Variants in SYN3 observed in about 807,000 individuals in gnomAD.
SYN3 encodes synapsin III, also known as synapsin-3.
SYN3 carries 35 observed loss-of-function variants against 65.8 expected under a neutral mutation model. That is an observed-to-expected ratio of 0.53 (90% CI 0.41 to 0.70). SYN3 has a LOEUF of 0.70. Among genes scored for constraint, SYN3 ranks in the 30% least tolerant of loss-of-function variants. The pLI is 0.00. For missense variants in SYN3, 680 were observed against 749.0 expected, an observed-to-expected ratio of 0.91 and a Z score of 1.08; for synonymous variants, 270 against 292.9, an observed-to-expected ratio of 0.92 and a Z score of 0.80.
rs1016076416 is a variant in SYN3 at position 32,801,549 on chromosome 22, G to T, written c.711+63366C>A. Among the ~76,000 whole-genome samples the T allele has an allele frequency of 6.6e-6, 1 of 152,112 alleles. No individual in the cohort carries two copies. Among genetic ancestry groups the T allele is most frequent in the Non-Finnish European group, 1.5e-5 (1 of 67,990 alleles). ...ATCTGAACGATCCGGGGGCGGCCCC[G>T]CCCCGTTACCCCTTGCCCCCGGCCC... is the stretch of plus-strand genomic sequence containing the variant. On this transcript the variant is annotated intron_variant, in intron 6 of 13. Coordinates refer to ENST00000358763, the MANE Select transcript of SYN3 (RefSeq NM_003490.4). The surrounding 1 kb of genome is among the most constrained non-coding windows in gnomAD (Gnocchi z 4.7).
At chr22:32,544,959 ATG>A (rs1283659848) in intron 7 of SYN3, among the ~76,000 whole-genome samples, 1 of 152,200 alleles carries the variant, frequency 6.6e-6, no homozygotes, top group Non-Finnish European at 1.5e-5. Flanking sequence ...TATGGGGGGC[ATG>A]TGTCCATCCA....
intron 6 of SYN3, among the ~76,000 whole-genome samples, chr22:32,633,476 A>T (rs1008045365): frequency 5.9e-5 from 9 of 152,208 alleles, no homozygotes; most frequent in African/African-American, 1.9e-4. Flanking sequence ...TGGATGAAGT[A>T]CCCCCAAAAC....
intron 7 of SYN3, among the ~76,000 whole-genome samples, chr22:32,582,102 AATTG>A (rs1349480080): frequency 6.6e-6 from 1 of 151,924 alleles, no homozygotes; most frequent in Admixed American, 6.5e-5. Context: ...CCGGCCTGAG[AATTG>A]ATTGTTATAA....
At chr22:32,578,788 G>C (rs1281994189) in intron 7 of SYN3, among the ~76,000 whole-genome samples, 1 of 152,188 alleles carries the variant, frequency 6.6e-6, no homozygotes, top group African/African-American at 2.4e-5. Context: ...TTTTGGAAAA[G>C]CATTGTGTTA....
chr22:32,773,036 A>G (rs1305876822), intron 6 of SYN3, among the ~76,000 whole-genome samples: 1 of 152,212 alleles, frequency 6.6e-6, no homozygotes, highest in East Asian at 1.9e-4. Flanking sequence ...GTTGCCATGT[A>G]GAAGCAGCCA....
At chr22:32,928,438 G>A (rs1299840497) in intron 4 of SYN3, among the ~76,000 whole-genome samples, 5 of 152,256 alleles carry the variant, frequency 3.3e-5, no homozygotes, top group Non-Finnish European at 7.3e-5. Flanking sequence ...TTAGCCTACA[G>A]TTGGGCAAAA....
rs1184112838 is a variant in SYN3, at chr22:32,663,624, C to T, written c.712-66888G>A. On this transcript the variant is annotated intron_variant, in intron 6 of 13. Coordinates refer to ENST00000358763, the MANE Select transcript of SYN3 (RefSeq NM_003490.4). ...AAACCTCTTTTTCTTTATAAGTTAC[C>T]CAGTCTCGGGTATGTCTTTATTAGC... Among the ~76,000 whole-genome samples, 4 of 152,240 alleles carry T rather than the reference C, an allele frequency of 2.6e-5. No individual in the cohort carries two copies. In the East Asian group the frequency reaches 7.7e-4, roughly 29 times the overall value.
Position 32,864,958 on chromosome 22 carries a change from A to G in SYN3, c.668T>C (p.Phe223Ser). 1.9e-6 allele frequency: 3 copies of G among 1,614,180 alleles called. No individual in the cohort carries two copies. The highest frequency in any genetic ancestry group is 2.5e-6 in the Non-Finnish European group (3 of 1,180,004). ...GAAAAATGTTTGCTCCACAAGCGGG[A>G]ACTTCTCAGGACCCAGGGAATGGAA... The part of the protein sequence containing the change: ...KIFHSLGPEK[F>S]PLVEQTFFPN... The change falls in exon 6 of 14, where the codon TTC (phenylalanine) becomes TCC (serine). Residue 223 changes from phenylalanine to serine, a missense_variant. Transcript: ENST00000358763.
intron 6 of SYN3, among the ~76,000 whole-genome samples, chr22:32,792,763 T>C (rs1392015591): frequency 3.9e-5 from 6 of 152,168 alleles, no homozygotes; most frequent in Non-Finnish European, 8.8e-5. Context: ...TTTTCTCTGC[T>C]TGGCTGCATC....
intron 7 of SYN3, among the ~76,000 whole-genome samples, chr22:32,570,823 C>T (rs2058749567): frequency 6.6e-6 from 1 of 152,136 alleles, no homozygotes; most frequent in African/African-American, 2.4e-5. Context: ...GCTGACTTCT[C>T]TCTACCAGTG....
At chr22:32,572,470 T>TTCC (rs2058789246) in intron 7 of SYN3, among the ~76,000 whole-genome samples, 1 of 5,848 alleles carries the variant, frequency 1.7e-4, no homozygotes, top group African/African-American at 2.8e-4. Flanking sequence ...CTTCCTTCTT[T>TTCC]CTCCTTCCCT....
chr22:32,572,328 C>CTTA (rs2058776236), intron 7 of SYN3, among the ~76,000 whole-genome samples: 2 of 117,898 alleles, frequency 1.7e-5, no homozygotes, highest in African/African-American at 3.5e-5. Flanking sequence ...CCCTTCCTTC[C>CTTA]GTCCCTCCCT....
At chr22:32,735,033 G>T (rs1273381724) in intron 6 of SYN3, among the ~76,000 whole-genome samples, 1 of 152,160 alleles carries the variant, frequency 6.6e-6, no homozygotes, top group South Asian at 2.1e-4. Flanking sequence ...GGGCAATTGC[G>T]CAGGATTTGG....
intron 6 of SYN3, among the ~76,000 whole-genome samples, chr22:32,598,301 C>A (rs1046267000): frequency 3.3e-5 from 5 of 152,178 alleles, no homozygotes; most frequent in Admixed American, 3.3e-4. Flanking sequence ...ATTTTACCCC[C>A]ACACTGGCCT....
intron 7 of SYN3, among the ~76,000 whole-genome samples, chr22:32,574,117 C>T (rs2058819139): frequency 6.6e-6 from 1 of 151,730 alleles, no homozygotes; most frequent in South Asian, 2.1e-4. Context: ...TCATCTCCCT[C>T]TCAGGGCCCT....
At chr22:32,513,973 A>T in intron 13 of SYN3, 149 bp from the exon 14 acceptor site, 1 of 1,008,194 alleles carries the variant, frequency 9.9e-7, no homozygotes, top group African/African-American at 1.6e-5. Context: ...TGCTTACATG[A>T]TGTCAGGTAC....
rs117262882 is a variant in SYN3 at position 33,042,436 on chromosome 22, T to C, written c.-163+15856A>G. ...AAACAATACACGTATATTTCATCAT[T>C]TGTTTTCCCAGACTTTAGCCAAACG... On this transcript the variant is annotated intron_variant, in intron 1 of 13. Transcript: ENST00000358763. Among the ~76,000 whole-genome samples, 482 of 152,376 alleles carry C rather than the reference T, an allele frequency of 3.2e-3. 12 individuals are homozygous for C. The highest frequency in any genetic ancestry group is 0.027 in the Admixed American group (412 of 15,294).
rs2057693235 is a variant in SYN3 at position 32,511,702 on chromosome 22, G to C, written c.*1990C>G. The stretch of plus-strand genomic sequence containing the variant: ...TTTTATTTGCTGCTGATCCTAGCCA[G>C]TGTTAATCAGGCCTGAGCCTACCAG... On this transcript the variant is annotated 3_prime_UTR_variant, in exon 14 of 14. Transcript: ENST00000358763. Among the ~76,000 whole-genome samples the C allele has an allele frequency of 6.6e-6, 1 of 152,234 alleles. No individual in the cohort carries two copies. Among genetic ancestry groups the C allele is most frequent in the African/African-American group, 2.4e-5 (1 of 41,456 alleles).
intron 3 of SYN3, among the ~76,000 whole-genome samples, chr22:32,947,873 G>A (rs2051161729): frequency 6.6e-6 from 1 of 152,162 alleles, no homozygotes. Flanking sequence ...TGTTGCACAT[G>A]GCCCAAATCA....
Sources: gnomAD v4.1 joint callset for allele counts (sites outside exome capture counted in the v4.1 genomes callset) on GRCh38, gnomAD v4.1.1 for gene constraint, Gnocchi (gnomAD v3.1) non-coding constraint, MANE v1.5 for transcripts, NCBI Gene and HGNC (gene_info 2026-07-23, HGNC 2026-07-21) for gene names.